Variants in IPCEF1 observed in about 807,000 individuals in gnomAD.
The protein encoded by IPCEF1 is interactor protein for cytohesin exchange factors 1.
In IPCEF1, 31 loss-of-function variants were observed where a neutral mutation model predicts 50.9. The ratio of observed to expected loss-of-function variants is 0.61; its 90% confidence interval spans 0.46 to 0.82. The LOEUF is 0.82. Ranked by LOEUF, IPCEF1 falls within the 40% of genes least tolerant of loss-of-function variation. IPCEF1 has a pLI of 0.00. For synonymous variants in IPCEF1, 181 were observed against 192.0 expected (o/e 0.94, Z 0.47); for missense variants, 458 against 514.0 (o/e 0.89, Z 1.05).
At chr6:154,285,174 G>T (rs980678829) in intron 2 of IPCEF1, among the ~76,000 whole-genome samples, 3 of 152,172 alleles carry the variant, frequency 2.0e-5, no homozygotes, top group African/African-American at 7.2e-5. Flanking sequence ...AAGATAGGTA[G>T]TTGCCTTTTT....
intron 9 of IPCEF1, among the ~76,000 whole-genome samples, chr6:154,210,854 T>A (rs1325948459): frequency 6.6e-6 from 1 of 152,162 alleles, no homozygotes; most frequent in Non-Finnish European, 1.5e-5. Flanking sequence ...TTCAACAATA[T>A]TTATGTCTTT....
chr6:154,320,561 C>T (rs1783347431), intron 1 of IPCEF1, among the ~76,000 whole-genome samples: 1 of 152,108 alleles, frequency 6.6e-6, no homozygotes, highest in African/African-American at 2.4e-5. Context: ...GGGTGGTAGT[C>T]AATTTTTAGA....
chr6:154,315,887 G>A (rs1276904932), intron 1 of IPCEF1, among the ~76,000 whole-genome samples: 2 of 152,046 alleles, frequency 1.3e-5, no homozygotes, highest in African/African-American at 4.8e-5. Context: ...GAGTGCAGTG[G>A]CCCAATCTCA....
In IPCEF1 at chr6:154,223,195, T is replaced by C; in HGVS notation, c.295A>G (p.Arg99Gly). 2 of 1,613,832 alleles carry C rather than the reference T, an allele frequency of 1.2e-6. No homozygotes were observed. Among genetic ancestry groups the C allele is most frequent in the Non-Finnish European group, 8.5e-7 (1 of 1,179,950 alleles). The change falls in exon 6 of 12, where the codon AGA becomes GGA. Residue 99 changes from arginine (R) to glycine (G), a missense_variant. Coordinates refer to ENST00000367220, the MANE Select transcript of IPCEF1 (RefSeq NM_001130700.2). ...TGCTTTTTCTTGCATTCAGATGCTC[T>C]TTCCACAGTGAAATCAGGCAGGTTG... ...FVNLPDFTVERASECKKKHAF... is the reference protein window; with the variant it reads ...FVNLPDFTVEGASECKKKHAF...
chr6:154,242,987 T>C (rs1583888631), intron 5 of IPCEF1, among the ~76,000 whole-genome samples: 1 of 152,304 alleles, frequency 6.6e-6, no homozygotes, highest in East Asian at 1.9e-4. Context: ...GAAGGCTATT[T>C]AAGCTAAAAT....
At chr6:154,246,935 C>CAAAA (rs10543127) in intron 4 of IPCEF1, 175 bp from the exon 5 acceptor site, 31 of 252,230 alleles carry the variant, frequency 1.2e-4, no homozygotes, top group African/African-American at 2.5e-4. Flanking sequence ...AAAACCAATG[C>CAAAA]AAAAAAAAAA....
intron 2 of IPCEF1, among the ~76,000 whole-genome samples, chr6:154,282,093 T>C (rs1782228454): frequency 1.3e-5 from 2 of 151,108 alleles, no homozygotes; most frequent in Middle Eastern, 3.2e-3. Flanking sequence ...AGCTTGAACC[T>C]GGGAAGCGGA....
At chr6:154,269,178 A>G (rs1781833608) in intron 2 of IPCEF1, among the ~76,000 whole-genome samples, 2 of 152,238 alleles carry the variant, frequency 1.3e-5, no homozygotes, top group Admixed American at 1.3e-4. Flanking sequence ...ACCACTCACT[A>G]TAGATGAGTT....
At chr6:154,239,148 C>G (rs1164954169) in intron 5 of IPCEF1, among the ~76,000 whole-genome samples, 1 of 151,980 alleles carries the variant, frequency 6.6e-6, no homozygotes, top group Non-Finnish European at 1.5e-5. Flanking sequence ...TCCTGGCTCT[C>G]GGTGTTCCAC....
rs775176755 is a variant in IPCEF1, at chr6:154,251,803, G to A, written c.37-4315C>T. On this transcript the variant is annotated intron_variant, in intron 3 of 11. Transcript: ENST00000367220. Reference sequence around the variant, plus strand: ...ATGAAAGGAGGACTGGGAAGAAGGGGAGGAAGGAAGGGAGAGGAGATAAGG... The same window carrying A: ...ATGAAAGGAGGACTGGGAAGAAGGGAAGGAAGGAAGGGAGAGGAGATAAGG... 1.1e-4 allele frequency among the ~76,000 whole-genome samples: 17 copies of A among 152,232 alleles called. No homozygotes were observed. The East Asian group carries it at 2.9e-3, about 26-fold the overall frequency.
intron 1 of IPCEF1, among the ~76,000 whole-genome samples, chr6:154,318,622 T>C (rs1583983829): frequency 1.4e-5 from 2 of 143,848 alleles, no homozygotes; most frequent in South Asian, 4.3e-4. Context: ...GAGGCCAAGG[T>C]GGGTAGATTG....
intron 10 of IPCEF1, among the ~76,000 whole-genome samples, chr6:154,173,716 G>A (rs1220179208): frequency 1.3e-5 from 2 of 152,160 alleles, no homozygotes; most frequent in East Asian, 1.9e-4. Context: ...TGAAAGTGAC[G>A]GGGAGAATGG....
chr6:154,224,710 T>TA (rs143493705), intron 5 of IPCEF1, among the ~76,000 whole-genome samples: 10 of 151,440 alleles, frequency 6.6e-5, no homozygotes, highest in African/African-American at 2.4e-4. Flanking sequence ...GACTCTGTCT[T>TA]AAAAAAAACA....
At chr6:154,266,402 AATG>A (rs1483434448) in intron 2 of IPCEF1, among the ~76,000 whole-genome samples, 1 of 151,988 alleles carries the variant, frequency 6.6e-6, no homozygotes, top group Non-Finnish European at 1.5e-5. Flanking sequence ...AATTTTTTTT[AATG>A]AATAAATAAA....
intron 2 of IPCEF1, among the ~76,000 whole-genome samples, chr6:154,282,685 T>A (rs1176176293): frequency 6.6e-6 from 1 of 151,464 alleles, no homozygotes; most frequent in African/African-American, 2.4e-5. Flanking sequence ...AGACTCCGTC[T>A]CAAAAAAAAA....
At chr6:154,253,902 C>A in intron 3 of IPCEF1, among the ~76,000 whole-genome samples, 1 of 151,904 alleles carries the variant, frequency 6.6e-6, no homozygotes, top group Non-Finnish European at 1.5e-5. Flanking sequence ...AAAAAAATTA[C>A]TGTTATTTTT....
chr6:154,307,933 C>T (rs1782977857), intron 1 of IPCEF1, among the ~76,000 whole-genome samples: 1 of 152,148 alleles, frequency 6.6e-6, no homozygotes, highest in South Asian at 2.1e-4. Flanking sequence ...TCACAACCAG[C>T]AAGCAAACAG....
At chr6:154,231,700 A>G (rs568650180) in intron 5 of IPCEF1, among the ~76,000 whole-genome samples, 1 of 152,354 alleles carries the variant, frequency 6.6e-6, no homozygotes, top group Non-Finnish European at 1.5e-5. Context: ...GAAAAGAAAC[A>G]TGGGAAAATA....
Position 154,177,999 on chromosome 6 carries a change from T to C in IPCEF1, c.911-9886A>G, listed in dbSNP as rs565944755. Reference sequence around the variant, plus strand: ...TTCATGTCCTTTATAGGGACATGGATGAAGCTGGAAACCATCATTCTCAGC... The same window carrying C: ...TTCATGTCCTTTATAGGGACATGGACGAAGCTGGAAACCATCATTCTCAGC... On this transcript the variant is annotated intron_variant, in intron 10 of 11. Transcript: ENST00000367220. 4.2e-3 allele frequency among the ~76,000 whole-genome samples: 632 copies of C among 152,224 alleles called. 6 individuals are homozygous for C. The highest frequency in any genetic ancestry group is 0.014 in the African/African-American group (599 of 41,518).
Sources: gnomAD v4.1 joint callset for allele counts (sites outside exome capture counted in the v4.1 genomes callset) on GRCh38, gnomAD v4.1.1 for gene constraint, MANE v1.5 for transcripts, NCBI Gene and HGNC (gene_info 2026-07-23, HGNC 2026-07-21) for gene names.